Variants in SORCS3 observed in about 807,000 individuals in gnomAD.
SORCS3 encodes sortilin related VPS10 domain containing receptor 3.
SORCS3 carries 57 observed loss-of-function variants against 146.3 expected under a neutral mutation model. The ratio of observed to expected loss-of-function variants is 0.39; its 90% CI spans 0.31 to 0.49. The LOEUF (loss-of-function observed/expected upper bound fraction) is 0.49, where lower values mean the gene tolerates loss of function less well. Ranked by LOEUF, SORCS3 falls within the 20% of genes least tolerant of loss-of-function variation. The probability of loss-of-function intolerance (pLI) is 0.92; values close to 1 mark genes in which losing one functional copy is unlikely to be tolerated. For missense variants in SORCS3, 1,341 were observed against 1,575.5 expected (o/e 0.85, Z 2.52); for synonymous variants, 653 against 618.5 (o/e 1.06, Z -0.83).
At chr10:105,176,422 A>G (rs928291125) in intron 13 of SORCS3, among the ~76,000 whole-genome samples, 3 of 152,146 alleles carry the variant, frequency 2.0e-5, no homozygotes, top group Admixed American at 1.3e-4. Flanking sequence ...GTCCAGTGGT[A>G]CACACCTGTA....
chr10:105,199,944 A>T, intron 14 of SORCS3, 55 bp from the exon 15 acceptor site: 2 of 1,274,920 alleles, frequency 1.6e-6, no homozygotes, highest in Non-Finnish European at 1.1e-6. Context: ...TGCATTAGTG[A>T]CTGACTATGG....
In SORCS3 at chr10:104,794,622, G is replaced by GGAGGGAGAGAGA. The variant is rs1481811209; in HGVS notation, c.628-48167_628-48166insGGAGAGAGAGAG. Among the ~76,000 whole-genome samples, 195 of 41,384 alleles carry GGAGGGAGAGAGA rather than the reference G, an allele frequency of 4.7e-3. 4 individuals are homozygous for GGAGGGAGAGAGA. Among genetic ancestry groups the GGAGGGAGAGAGA allele is most frequent in the African/African-American group, 9.0e-3 (54 of 6,026 alleles). 27.1% of individuals were successfully genotyped at this position (41,384 alleles called of 152,430 possible). ...GTGTGTGTGAGAGAGAGAGAGGGAG[G>GGAGGGAGAGAGA]GAGAGAGAGAGAGAGAGAGAGAGAG... is the stretch of plus-strand genomic sequence containing the variant. On this transcript the variant is annotated intron_variant, in intron 1 of 26. Coordinates refer to ENST00000369701, the MANE Select transcript of SORCS3 (RefSeq NM_014978.3).
intron 5 of SORCS3, among the ~76,000 whole-genome samples, chr10:105,074,834 G>T (rs1003326600): frequency 6.6e-6 from 1 of 152,146 alleles, no homozygotes; most frequent in Admixed American, 6.5e-5. Flanking sequence ...GTACCAAAAT[G>T]CATGCCCCTA....
At chr10:104,980,115 A>G (rs1292935718) in intron 4 of SORCS3, among the ~76,000 whole-genome samples, 3 of 152,228 alleles carry the variant, frequency 2.0e-5, no homozygotes, top group Non-Finnish European at 4.4e-5. Context: ...AAATACTTTC[A>G]GACTTGGTGG....
At chr10:105,087,668 T>C (rs1305148654) in intron 5 of SORCS3, among the ~76,000 whole-genome samples, 1 of 152,156 alleles carries the variant, frequency 6.6e-6, no homozygotes, top group Admixed American at 6.5e-5. Context: ...CAGTATCACC[T>C]AATATGTACT....
chr10:104,959,289 A>G (rs928259954), intron 3 of SORCS3, among the ~76,000 whole-genome samples: 1 of 152,174 alleles, frequency 6.6e-6, no homozygotes, highest in African/African-American at 2.4e-5. Flanking sequence ...TTCATATAAA[A>G]TTTTAACCAC....
chr10:104,926,006 T>A (rs1215246005), intron 3 of SORCS3, among the ~76,000 whole-genome samples: 1 of 152,234 alleles, frequency 6.6e-6, no homozygotes, highest in Non-Finnish European at 1.5e-5. Context: ...ACTACTGGGA[T>A]GGAGCTGGCA....
At chr10:105,076,381 G>A (rs566416549) in intron 5 of SORCS3, among the ~76,000 whole-genome samples, 1 of 152,306 alleles carries the variant, frequency 6.6e-6, no homozygotes, top group East Asian at 1.9e-4. Flanking sequence ...TTGAGACTGA[G>A]AATTGCAGGG....
chr10:105,140,547 G>T (rs1360202315), intron 8 of SORCS3, among the ~76,000 whole-genome samples: 2 of 152,108 alleles, frequency 1.3e-5, no homozygotes, highest in Non-Finnish European at 2.9e-5. Flanking sequence ...CATAAAAGGT[G>T]GTTTTAGTCA....
intron 1 of SORCS3, among the ~76,000 whole-genome samples, chr10:104,805,686 G>T (rs2017672512): frequency 6.6e-6 from 1 of 152,080 alleles, no homozygotes; most frequent in Non-Finnish European, 1.5e-5. Flanking sequence ...GAGTAGGGAA[G>T]GGACCTGATG....
chr10:105,007,316 A>G (rs2055102434), intron 4 of SORCS3, among the ~76,000 whole-genome samples: 1 of 151,468 alleles, frequency 6.6e-6, no homozygotes, highest in Non-Finnish European at 1.5e-5. Context: ...AGTTGAGGTG[A>G]AAATACACAA....
At chr10:104,809,143 A>G (rs1221225899) in intron 1 of SORCS3, among the ~76,000 whole-genome samples, 1 of 152,230 alleles carries the variant, frequency 6.6e-6, no homozygotes, top group Non-Finnish European at 1.5e-5. Context: ...TACCTTTAGG[A>G]TATACAAATA....
chr10:105,004,906 A>T (rs1333766530), intron 4 of SORCS3, among the ~76,000 whole-genome samples: 1 of 152,144 alleles, frequency 6.6e-6, no homozygotes, highest in Non-Finnish European at 1.5e-5. Flanking sequence ...GCTCCTCTCT[A>T]AACAGGCCAG....
At chr10:105,237,572 C>T (rs530403828) in intron 20 of SORCS3, among the ~76,000 whole-genome samples, 4 of 152,200 alleles carry the variant, frequency 2.6e-5, no homozygotes, top group Admixed American at 2.0e-4. Context: ...AACACCATGC[C>T]AGAAACACAT....
At chr10:105,207,106 T>C (rs559157002) in intron 16 of SORCS3, among the ~76,000 whole-genome samples, 1 of 152,240 alleles carries the variant, frequency 6.6e-6, no homozygotes, top group East Asian at 1.9e-4. Flanking sequence ...ATTGGACTCA[T>C]GCTGAACAGG....
chr10:104,874,985 A>G (rs989482350), intron 2 of SORCS3, among the ~76,000 whole-genome samples: 8 of 152,078 alleles, frequency 5.3e-5, no homozygotes, highest in African/African-American at 1.9e-4. Flanking sequence ...ACAGTCTCCT[A>G]TTTATCCAGT....
chr10:104,962,316 C>G (rs1314632412), intron 3 of SORCS3, among the ~76,000 whole-genome samples: 1 of 152,118 alleles, frequency 6.6e-6, no homozygotes, highest in Non-Finnish European at 1.5e-5. Flanking sequence ...TTGAAGAGGT[C>G]AAGCCTGAAA....
chr10:104,706,603 G>A (rs932714575), intron 1 of SORCS3, among the ~76,000 whole-genome samples: 11 of 152,138 alleles, frequency 7.2e-5, no homozygotes, highest in South Asian at 4.1e-4. Context: ...TGGTTCCACC[G>A]TAGCATATGG....
chr10:105,252,714 G>C, intron 22 of SORCS3, 61 bp from the exon 23 acceptor site: 2 of 1,607,482 alleles, frequency 1.2e-6, no homozygotes, highest in Non-Finnish European at 1.7e-6. Flanking sequence ...CTCTGCTCTT[G>C]TCATTGATTT....
Sources: gnomAD v4.1 joint callset for allele counts (sites outside exome capture counted in the v4.1 genomes callset) on GRCh38, gnomAD v4.1.1 for gene constraint, MANE v1.5 for transcripts, NCBI Gene and HGNC (gene_info 2026-07-23, HGNC 2026-07-21) for gene names.